KITLG: variants seen among roughly 807,000 people sequenced by gnomAD.
The protein encoded by KITLG is KIT ligand.
In KITLG, 13 loss-of-function variants were observed where a neutral mutation model predicts 34.1. The ratio of observed to expected loss-of-function variants is 0.38; its 90% confidence interval spans 0.25 to 0.61. The LOEUF (loss-of-function observed/expected upper bound fraction) is 0.61. Ranked by LOEUF, KITLG falls within the 20% of genes least tolerant of loss-of-function variation. The probability of loss-of-function intolerance (pLI) is 0.60; values close to 1 mark genes in which losing one functional copy is unlikely to be tolerated. For missense variants in KITLG, 292 were observed against 318.9 expected (o/e 0.92, Z 0.64); for synonymous variants, 110 against 104.0 (o/e 1.06, Z -0.35).
chr12:88,539,745 G>A (rs971549677), intron 2 of KITLG, among the ~76,000 whole-genome samples: 2 of 152,020 alleles, frequency 1.3e-5, no homozygotes, highest in African/African-American at 4.8e-5. Flanking sequence ...AACAAAGTGA[G>A]AGTCCATCTC....
At chr12:88,524,908 G>C (rs1869808214) in intron 3 of KITLG, among the ~76,000 whole-genome samples, 1 of 152,144 alleles carries the variant, frequency 6.6e-6, no homozygotes, top group South Asian at 2.1e-4. Flanking sequence ...TTTTTATAGA[G>C]AGAATGCCGC....
intron 1 of KITLG, among the ~76,000 whole-genome samples, chr12:88,555,733 G>A (rs1222708113): frequency 6.6e-6 from 1 of 152,076 alleles, no homozygotes; most frequent in Non-Finnish European, 1.5e-5. Flanking sequence ...AAAATAAAGC[G>A]ATAAGTTGTT....
In KITLG at chr12:88,495,175, G is replaced by A. The variant is rs928878759; in HGVS notation, c.*2044C>T. 2 of 151,862 alleles carry A rather than the reference G, an allele frequency of 1.3e-5. No individual in the cohort carries two copies. The highest frequency in any genetic ancestry group is 6.6e-5 in the Admixed American group (1 of 15,210). The allele number at this position is 151,862 out of a possible 1,614,324, so 9.4% of individuals were successfully genotyped here. ...GTTAAAACCCAGCTACTAGGTTTGA[G>A]GACAAAAGTACACATTTATTATACT... On this transcript the variant is annotated 3_prime_UTR_variant, in exon 10 of 10. Transcript: ENST00000644744.
chr12:88,526,055 T>A (rs887570414), intron 3 of KITLG, among the ~76,000 whole-genome samples: 1 of 152,180 alleles, frequency 6.6e-6, no homozygotes, highest in Admixed American at 6.5e-5. Flanking sequence ...GAGGCAGTGA[T>A]GCATGTGGCT....
At chr12:88,572,595 T>TATATATATA (rs1555258293) in intron 1 of KITLG, among the ~76,000 whole-genome samples, 1 of 134,930 alleles carries the variant, frequency 7.4e-6, no homozygotes, top group African/African-American at 2.7e-5. Context: ...ATATACATTA[T>TATATATATA]TATATATATA....
At position 88,516,507 on chromosome 12, in the gene KITLG, G is replaced by A. The variant is rs372968610; in HGVS notation, c.364-17C>T. On this transcript the variant is annotated splice_polypyrimidine_tract_variant and intron_variant, in intron 4 of 9. Transcript: ENST00000644744. The stretch of plus-strand genomic sequence containing the variant: ...TTTTAGATCCTAGAAGAAAAAATAG[G>A]ATTACATTTTTCAAATAGTCTTCAG... 2.6e-4 allele frequency: 412 copies of A among 1,566,672 alleles called. No individual in the cohort carries two copies. The highest frequency in any genetic ancestry group is 3.2e-4 in the Non-Finnish European group (371 of 1,145,918).
chr12:88,532,122 T>G (rs1180803409), intron 3 of KITLG, among the ~76,000 whole-genome samples: 1 of 152,026 alleles, frequency 6.6e-6, no homozygotes, highest in Non-Finnish European at 1.5e-5. Flanking sequence ...GACTTGAGCA[T>G]CCTAGGATTT....
intron 1 of KITLG, among the ~76,000 whole-genome samples, chr12:88,558,177 T>C (rs1871163606): frequency 6.6e-6 from 1 of 152,110 alleles, no homozygotes; most frequent in South Asian, 2.1e-4. Context: ...ATGGATGTAA[T>C]TAATGTGCTC....
intron 1 of KITLG, among the ~76,000 whole-genome samples, chr12:88,558,178 T>C (rs916279670): frequency 6.6e-6 from 1 of 152,122 alleles, no homozygotes; most frequent in African/African-American, 2.4e-5. Context: ...TGGATGTAAT[T>C]AATGTGCTCA....
chr12:88,512,367 A>T (rs898659656), intron 6 of KITLG, among the ~76,000 whole-genome samples: 1 of 152,148 alleles, frequency 6.6e-6, no homozygotes, highest in Non-Finnish European at 1.5e-5. Context: ...CAGAGAAAAG[A>T]GGATAAATAA....
intron 9 of KITLG, among the ~76,000 whole-genome samples, chr12:88,502,719 C>T (rs1207171147): frequency 3.9e-5 from 6 of 152,104 alleles, no homozygotes; most frequent in African/African-American, 1.2e-4. Context: ...GGACGAATGT[C>T]GTAATTAAAA....
intron 3 of KITLG, 126 bp downstream of exon 3, chr12:88,532,315 G>A (rs1045541600): frequency 1.2e-5 from 9 of 766,682 alleles, no homozygotes; most frequent in Middle Eastern, 2.8e-4. Context: ...AAATTCCAAA[G>A]ATAAATTCTT....
chr12:88,536,606 C>T (rs1189529960), intron 2 of KITLG, among the ~76,000 whole-genome samples: 1 of 152,116 alleles, frequency 6.6e-6, no homozygotes, highest in Non-Finnish European at 1.5e-5. Context: ...CAGTGATAGA[C>T]TGGATAAAGA....
chr12:88,518,804 C>T lies in KITLG; in HGVS notation c.256G>A (p.Asp86Asn). The T allele has an allele frequency of 6.2e-7, 1 of 1,613,448 alleles. No individual in the cohort carries two copies. Among genetic ancestry groups the T allele is most frequent in the Non-Finnish European group, 8.5e-7 (1 of 1,179,558 alleles). Residue 86 changes from aspartate to asparagine, a missense_variant, in exon 4 of 10, where the codon GAC (aspartate) becomes AAC (asparagine). Asp to Asn is a conservative substitution (Grantham distance 23). Around this residue, in one of 2 missense-constraint regions of KITLG, gnomAD observed 152 missense variants for 207.9 expected, o/e 0.73. Coordinates refer to ENST00000644744, the MANE Select transcript of KITLG (RefSeq NM_000899.5). ...CCTTCAGAAATATTTGAAAACTTGT[C>T]CAGAAGATCAGTCAAGCTGTCTGAC... ...QLSDSLTDLL[D>N]KFSNISEGLS... is the part of the protein sequence containing the mutation.
intron 2 of KITLG, among the ~76,000 whole-genome samples, chr12:88,536,026 C>A (rs929235896): frequency 6.6e-6 from 1 of 151,890 alleles, no homozygotes; most frequent in African/African-American, 2.4e-5. Flanking sequence ...AAAAGCAATT[C>A]CAACAGAAAC....
Position 88,496,320 on chromosome 12 carries a change from C to T in KITLG, c.*899G>A, listed in dbSNP as rs897750603. On this transcript the variant is annotated 3_prime_UTR_variant, in exon 10 of 10. Coordinates refer to ENST00000644744, the MANE Select transcript of KITLG (RefSeq NM_000899.5). ...ACATTCAGCATTTTCTCCTAAGTCC[C>T]TTTACATAGCTCTGTAATAGTTTTA... The T allele has an allele frequency of 6.6e-6, 1 of 152,130 alleles. No homozygotes were observed. Among genetic ancestry groups the T allele is most frequent in the Admixed American group, 6.6e-5 (1 of 15,260 alleles). The allele number at this position is 152,130 out of a possible 1,614,324, so 9.4% of individuals were successfully genotyped here.
chr12:88,556,828 C>A (rs957732703), intron 1 of KITLG, among the ~76,000 whole-genome samples: 27 of 152,156 alleles, frequency 1.8e-4, no homozygotes, highest in Admixed American at 3.3e-4. Context: ...TGGGGTACAG[C>A]AGCCAATGGA....
chr12:88,513,892 AAAC>A (rs1404855905), intron 6 of KITLG, among the ~76,000 whole-genome samples: 1 of 151,726 alleles, frequency 6.6e-6, no homozygotes, highest in African/African-American at 2.4e-5. Context: ...GGGAAGATAT[AAAC>A]AACACTATCA....
chr12:88,522,426 CTTTTTT>C (rs3060347), intron 3 of KITLG, among the ~76,000 whole-genome samples: 1 of 105,770 alleles, frequency 9.5e-6, no homozygotes. Context: ...GATGCACAGT[CTTTTTT>C]TTTTTTTTTT....
Sources: allele counts gnomAD v4.1 joint callset (sites outside exome capture counted in the v4.1 genomes callset), GRCh38; gene constraint gnomAD v4.1.1; regional missense constraint gnomAD v4.1.1; transcripts MANE v1.5; gene names NCBI Gene and HGNC (gene_info 2026-07-23, HGNC 2026-07-21).